The following PPP2R5C variants were observed in gnomAD, a reference collection of about 807,000 sequenced individuals.
The protein encoded by PPP2R5C is protein phosphatase 2 regulatory subunit B'gamma, also known as serine/threonine-protein phosphatase 2A 56 kDa regulatory subunit gamma isoform.
In PPP2R5C, 7 loss-of-function variants were observed where a neutral mutation model predicts 68.9. The ratio of observed to expected loss-of-function variants is 0.10; its 90% CI spans 0.06 to 0.19. PPP2R5C has a LOEUF of 0.19. Among genes scored for constraint, PPP2R5C ranks in the 10% least tolerant of loss-of-function variants. The pLI is 1.00. For synonymous variants in PPP2R5C, 210 were observed against 222.2 expected (o/e 0.95, Z 0.49); for missense variants, 348 against 641.3 (o/e 0.54, Z 4.94).
In PPP2R5C at chr14:101,893,177, A is replaced by G. The variant is rs148448573; in HGVS notation, c.798+69A>G. 5.8e-4 allele frequency: 653 copies of G among 1,119,358 alleles called. 5 individuals carry two copies. The African/African-American group carries it at 8.8e-3, about 15-fold the overall frequency. 69.3% of individuals were successfully genotyped at this position (1,119,358 alleles called of 1,614,324 possible). On this transcript the variant is annotated intron_variant, in intron 7 of 13. Transcript: ENST00000334743. ...ATCAGGATTGAACACGAGATAGTGA[A>G]TCCGGCCTTGACTGAGAGTGCTTTC...
chr14:101,917,748 G>T lies in PPP2R5C; in HGVS notation c.1327-83G>T, dbSNP rs745822766. ...GAGAGGGCCCTGGGGGGCGGCAGGGGAGATGAGTCCCTAGCCAGGATGAGA... is the reference window on the plus strand; with the variant it reads ...GAGAGGGCCCTGGGGGGCGGCAGGGTAGATGAGTCCCTAGCCAGGATGAGA... On this transcript the variant is annotated intron_variant, in intron 12 of 13. Transcript: ENST00000334743. This position sits in a 1 kb window ranked among gnomAD's most constrained non-coding sequence, Gnocchi z 4.4. The T allele has an allele frequency of 5.1e-5, 80 of 1,584,000 alleles. No individual in the cohort carries two copies. Among genetic ancestry groups the T allele is most frequent in the Non-Finnish European group, 6.7e-5 (78 of 1,163,146 alleles).
chr14:101,799,302 GA>G (rs1218217445), intron 3 of PPP2R5C, among the ~76,000 whole-genome samples: 1 of 152,174 alleles, frequency 6.6e-6, no homozygotes, highest in Non-Finnish European at 1.5e-5. Context: ...ATTTTGCTCT[GA>G]TGGCCGGAGC....
intron 3 of PPP2R5C, among the ~76,000 whole-genome samples, chr14:101,790,586 A>C (rs2038312915): frequency 6.6e-6 from 1 of 152,210 alleles, no homozygotes; most frequent in Non-Finnish European, 1.5e-5. Context: ...GCCGCATCAT[A>C]TTCAGTCAGA....
intron 3 of PPP2R5C, among the ~76,000 whole-genome samples, chr14:101,792,057 A>G (rs1453928422): frequency 6.6e-6 from 1 of 152,216 alleles, no homozygotes; most frequent in African/African-American, 2.4e-5. Context: ...TGTTAAATCA[A>G]CCGACCCAGT....
intron 9 of PPP2R5C, among the ~76,000 whole-genome samples, chr14:101,905,168 A>G (rs950426200): frequency 2.0e-5 from 3 of 152,140 alleles, no homozygotes; most frequent in Non-Finnish European, 4.4e-5. Context: ...AGCCTGGCCA[A>G]CATGGTGAAA....
intron 9 of PPP2R5C, among the ~76,000 whole-genome samples, chr14:101,903,982 C>A (rs904300685): frequency 6.6e-6 from 1 of 151,894 alleles, no homozygotes; most frequent in African/African-American, 2.4e-5. Context: ...TCATTCTTAA[C>A]TTTTAGATGT....
At chr14:101,869,706 G>A (rs2043274278) in intron 2 of PPP2R5C, among the ~76,000 whole-genome samples, 1 of 152,174 alleles carries the variant, frequency 6.6e-6, no homozygotes, top group Non-Finnish European at 1.5e-5. Context: ...CCAGGCTGGA[G>A]TGCAGTGGCT....
chr14:101,883,238 T>C lies in PPP2R5C; in HGVS notation c.406-19T>C, dbSNP rs371102339. 96 of 1,465,528 alleles carry C rather than the reference T, an allele frequency of 6.6e-5. No homozygotes were observed. Among genetic ancestry groups the C allele is most frequent in the Non-Finnish European group, 8.8e-5 (94 of 1,070,404 alleles). 90.8% of individuals were successfully genotyped at this position (1,465,528 alleles called of 1,614,324 possible). On this transcript the variant is annotated intron_variant, in intron 3 of 13. Transcript: ENST00000334743. ...ATAAAATCTCATGTTATTTGACTCA[T>C]TGTTTTTTTTCCTCCTAGCTTGTTT...
At chr14:101,790,293 C>T (rs1441603631) in intron 3 of PPP2R5C, among the ~76,000 whole-genome samples, 2 of 152,164 alleles carry the variant, frequency 1.3e-5, no homozygotes, top group African/African-American at 4.8e-5. Context: ...CTAAAACTCA[C>T]CCATTGTAAC....
upstream of PPP2R5C, among the ~76,000 whole-genome samples, chr14:101,806,161 A>G (rs1037421689): frequency 6.6e-6 from 1 of 152,108 alleles, no homozygotes; most frequent in Non-Finnish European, 1.5e-5. Flanking sequence ...TTGCATAGGT[A>G]TACATGTGTC....
chr14:101,827,100 C>T (rs1423223778), intron 1 of PPP2R5C, among the ~76,000 whole-genome samples: 1 of 150,938 alleles, frequency 6.6e-6, no homozygotes, highest in Non-Finnish European at 1.5e-5. Flanking sequence ...CTCAGCCTCC[C>T]GAGTATCTAG....
At chr14:101,857,762 A>G (rs140532537) in intron 2 of PPP2R5C, among the ~76,000 whole-genome samples, 58 of 152,276 alleles carry the variant, frequency 3.8e-4, no homozygotes, top group African/African-American at 1.4e-3. Flanking sequence ...TACCCCCCAC[A>G]CACACACTTA....
At chr14:101,900,676 T>C (rs2256537) in intron 8 of PPP2R5C, among the ~76,000 whole-genome samples, 52,390 of 152,248 alleles carry the variant, frequency 0.34, 12,885 homozygotes, top group African/African-American at 0.7. Context: ...GGTATGATTG[T>C]GGTAAGACAT....
intron 3 of PPP2R5C, among the ~76,000 whole-genome samples, chr14:101,793,714 A>G (rs2038476850): frequency 6.6e-6 from 1 of 152,224 alleles, no homozygotes; most frequent in African/African-American, 2.4e-5. Context: ...TTTTACACCC[A>G]TACTCATGGC....
intron 1 of PPP2R5C, among the ~76,000 whole-genome samples, chr14:101,853,357 C>G (rs1460875911): frequency 1.3e-5 from 2 of 151,936 alleles, no homozygotes; most frequent in African/African-American, 4.8e-5. Context: ...TGCTTATGGT[C>G]TATAAGCAAA....
chr14:101,917,268 C>G lies in PPP2R5C; in HGVS notation c.1327-563C>G, dbSNP rs192954607. 1.2e-4 allele frequency among the ~76,000 whole-genome samples: 18 copies of G among 152,230 alleles called. No individual in the cohort carries two copies. Among genetic ancestry groups the G allele is most frequent in the African/African-American group, 3.6e-4 (15 of 41,536 alleles). ...AATGGAGAGGGAGCGTCAGGCTCAC[C>G]CAGGCTGCGTTTGTTTTGGTGGAGA... On this transcript the variant is annotated intron_variant, in intron 12 of 13. Coordinates refer to ENST00000334743, the Ensembl canonical transcript of PPP2R5C. This position sits in a 1 kb window ranked among gnomAD's most constrained non-coding sequence, Gnocchi z 4.4.
intron 12 of PPP2R5C, chr14:101,912,773 C>G (rs572579460): frequency 1.7e-5 from 5 of 294,450 alleles, no homozygotes; most frequent in African/African-American, 1.1e-4. Flanking sequence ...TGTGCCTCCT[C>G]TCTCAGATAT....
chr14:101,795,276 G>C (rs990470867), intron 3 of PPP2R5C, among the ~76,000 whole-genome samples: 2 of 152,170 alleles, frequency 1.3e-5, no homozygotes, highest in Admixed American at 1.3e-4. Context: ...ACTTTCCAGA[G>C]AGTAGCACCA....
chr14:101,919,978 A>AC (rs2046918361), intron 13 of PPP2R5C, among the ~76,000 whole-genome samples: 2 of 150,032 alleles, frequency 1.3e-5, no homozygotes, highest in Non-Finnish European at 2.9e-5. Context: ...TCAAAAAAAA[A>AC]AAAAAAAAAA....
Sources: gnomAD v4.1 joint callset for allele counts (sites outside exome capture counted in the v4.1 genomes callset) on GRCh38, gnomAD v4.1.1 for gene constraint, Gnocchi (gnomAD v3.1) non-coding constraint, MANE v1.5 for transcripts, NCBI Gene and HGNC (gene_info 2026-07-23, HGNC 2026-07-21) for gene names.